The following CD1B variants were observed in gnomAD, a reference collection of about 807,000 sequenced individuals.
CD1B encodes T-cell surface glycoprotein CD1b.
Under a neutral mutation model 39.8 loss-of-function variants are expected in CD1B, and 43 were observed. The observed-to-expected ratio is 1.08, with a 90% CI of 0.85 to 1.39. The LOEUF (loss-of-function observed/expected upper bound fraction) is 1.39. Among genes scored for constraint, CD1B ranks in the 40% most tolerant of loss-of-function variants. CD1B has a pLI of 0.00. For missense variants in CD1B, 495 were observed against 403.8 expected (o/e 1.23, Z -1.94); for synonymous variants, 192 against 152.5 (o/e 1.26, Z -1.91).
chr1:158,307,246 G>T, the CD1B span, among the ~76,000 whole-genome samples: 1 of 152,024 alleles, frequency 6.6e-6, no homozygotes, highest in Non-Finnish European at 1.5e-5. Context: ...TGATAAAGGG[G>T]ATATCACCAC....
At chr1:158,295,943 G>A in the CD1B span, among the ~76,000 whole-genome samples, 1 of 152,108 alleles carries the variant, frequency 6.6e-6, no homozygotes, top group Admixed American at 6.5e-5. Flanking sequence ...ACATATGCAT[G>A]GAGACCTCAC....
At chr1:158,308,301 A>C in the CD1B span, among the ~76,000 whole-genome samples, 3 of 152,206 alleles carry the variant, frequency 2.0e-5, no homozygotes, top group Non-Finnish European at 2.9e-5. Flanking sequence ...TTCAAGGAGA[A>C]CTACAAACCA....
At chr1:158,301,595 T>C in the CD1B span, among the ~76,000 whole-genome samples, 68 of 152,336 alleles carry the variant, frequency 4.5e-4, 2 homozygotes, top group South Asian at 0.013. Flanking sequence ...TTCTTTTCTT[T>C]AAGAATGTTG....
At chr1:158,293,063 T>G in the CD1B span, 1 of 880,800 alleles carries the variant, frequency 1.1e-6, no homozygotes. Context: ...TGAGGAATCC[T>G]TCCTTGAGTA....
In CD1B at chr1:158,330,870, T is replaced by A; in HGVS notation, c.254A>T (p.Glu85Val). Residue 85 changes from glutamate to valine, a missense_variant, in exon 2 of 6, where the codon GAG becomes GTG. By Grantham distance (121) the Glu-to-Val change is moderately radical. Transcript: ENST00000368168. ...NFSDKEVAEL[E>V]EIFRVYIFGF... ...AAAGATGTAGACTCGGAATATCTCC[T>A]CTAACTCAGCAACCTCCTTATCACT... 1.2e-6 allele frequency: 2 copies of A among 1,614,094 alleles called. No homozygotes were observed. Among genetic ancestry groups the A allele is most frequent in the Non-Finnish European group, 1.7e-6 (2 of 1,179,936 alleles).
At chr1:158,309,519 G>A in the CD1B span, among the ~76,000 whole-genome samples, 1 of 152,104 alleles carries the variant, frequency 6.6e-6, no homozygotes, top group Non-Finnish European at 1.5e-5. Context: ...CTGCTATAAA[G>A]ACACATGCAC....
At chr1:158,312,324 AACTCTCT>A in the CD1B span, among the ~76,000 whole-genome samples, 1 of 152,172 alleles carries the variant, frequency 6.6e-6, no homozygotes, top group Non-Finnish European at 1.5e-5. Context: ...TCCATGCACA[AACTCTCT>A]TCTCTCTTGC....
At chr1:158,288,132 G>A in the CD1B span, among the ~76,000 whole-genome samples, 57 of 152,284 alleles carry the variant, frequency 3.7e-4, no homozygotes, top group African/African-American at 1.3e-3. Context: ...GCCATTAACA[G>A]CACAAGATGA....
the CD1B span, among the ~76,000 whole-genome samples, chr1:158,289,323 A>G: frequency 6.6e-6 from 1 of 152,222 alleles, no homozygotes; most frequent in Non-Finnish European, 1.5e-5. Context: ...TTTTTAGTGA[A>G]TGACTATACA....
chr1:158,318,543 T>G, the CD1B span, among the ~76,000 whole-genome samples: 172 of 152,288 alleles, frequency 1.1e-3, 1 homozygote, highest in African/African-American at 3.9e-3. Context: ...CTTTTATTTT[T>G]AGCCTGTGTG....
At chr1:158,290,257 C>G in the CD1B span, 3 of 722,238 alleles carry the variant, frequency 4.2e-6, no homozygotes, top group African/African-American at 5.3e-5. Flanking sequence ...CCAGTTTACT[C>G]TTTTGGAGGA....
downstream of CD1B, among the ~76,000 whole-genome samples, chr1:158,325,369 A>T (rs1652313300): frequency 6.6e-6 from 1 of 152,186 alleles, no homozygotes; most frequent in South Asian, 2.1e-4. Context: ...ATCAGATTGG[A>T]TGCCAAAGCA....
rs560498453 is a variant in CD1B, at chr1:158,328,068, T to G, written c.*168A>C. 4 of 594,722 alleles carry G rather than the reference T, an allele frequency of 6.7e-6. No homozygotes were observed. Among genetic ancestry groups the G allele is most frequent in the South Asian group, 4.6e-5 (2 of 43,218 alleles). The allele number at this position is 594,722 out of a possible 1,614,324, so 36.8% of individuals were successfully genotyped here. A position where few individuals can be genotyped will look rare whatever the true frequency, so the allele number is the denominator to read the frequency against. ...CAGTCTCATAATAAATTTACAGTTT[T>G]AAGTACTTTTTTGCTGATGTTTAAA... On this transcript the variant is annotated 3_prime_UTR_variant, in exon 6 of 6. Coordinates refer to ENST00000368168, the MANE Select transcript of CD1B (RefSeq NM_001764.3).
the CD1B span, among the ~76,000 whole-genome samples, chr1:158,318,715 G>A: frequency 6.6e-6 from 1 of 152,060 alleles, no homozygotes; most frequent in Non-Finnish European, 1.5e-5. Flanking sequence ...TATGATGTTA[G>A]GTGGTTATTT....
intron 1 of CD1B, 108 bp from the exon 2 acceptor site, chr1:158,331,170 G>C (rs1652587928): frequency 1.6e-6 from 2 of 1,253,430 alleles, no homozygotes; most frequent in East Asian, 4.6e-5. Flanking sequence ...AGAGTCTAAA[G>C]AACACAGGAA....
At chr1:158,298,443 A>T in the CD1B span, among the ~76,000 whole-genome samples, 1 of 152,172 alleles carries the variant, frequency 6.6e-6, no homozygotes, top group African/African-American at 2.4e-5. Flanking sequence ...AAGAATATAC[A>T]TTCTTCCCAT....
In CD1B at chr1:158,331,383, G is replaced by A. The variant is rs781053973; in HGVS notation, c.41C>T (p.Pro14Leu). 1 of 1,613,984 alleles carries A rather than the reference G, an allele frequency of 6.2e-7. No homozygotes were observed. Among genetic ancestry groups the A allele is most frequent in the Non-Finnish European group, 8.5e-7 (1 of 1,179,870 alleles). Reference protein sequence around the residue: ...LPFQLLAVLFPGGNSEHAFQG... With the variant: ...LPFQLLAVLFLGGNSEHAFQG... ...CTTACCATGTTCACTGTTACCACCAGGAAAGAGAACAGCTAACAGTTGAAA... is the reference window on the plus strand; with the variant it reads ...CTTACCATGTTCACTGTTACCACCAAGAAAGAGAACAGCTAACAGTTGAAA... The change falls in exon 1 of 6, where the codon CCT becomes CTT. Residue 14 changes from proline (P) to leucine (L), a missense_variant. Coordinates refer to ENST00000368168, the MANE Select transcript of CD1B (RefSeq NM_001764.3).
the CD1B span, among the ~76,000 whole-genome samples, chr1:158,309,848 G>A: frequency 9.4e-4 from 141 of 150,290 alleles, 1 homozygote; most frequent in Non-Finnish European, 1.7e-3. Context: ...GGGGGAAGGG[G>A]GAGGGATAGC....
the CD1B span, chr1:158,291,348 CTT>C: frequency 6.2e-7 from 1 of 1,614,130 alleles, no homozygotes; most frequent in Non-Finnish European, 8.5e-7. Context: ...GTTTCTACCT[CTT>C]TGGATTAACT....
Sources: gnomAD v4.1 joint callset for allele counts (sites outside exome capture counted in the v4.1 genomes callset) on GRCh38, gnomAD v4.1.1 for gene constraint, MANE v1.5 for transcripts, NCBI Gene and HGNC (gene_info 2026-07-23, HGNC 2026-07-21) for gene names.